ZNF491: variants seen among roughly 807,000 people sequenced by gnomAD.
The protein encoded by ZNF491 is zinc finger protein 491.
ZNF491 carries 22 observed loss-of-function variants against 34.7 expected under a neutral mutation model. The ratio of observed to expected loss-of-function variants is 0.63; its 90% CI spans 0.45 to 0.90. The LOEUF (loss-of-function observed/expected upper bound fraction) is 0.90. Among genes scored for constraint, ZNF491 ranks in the 40% least tolerant of loss-of-function variants. The pLI is 0.00. For missense variants in ZNF491, 559 were observed against 531.7 expected (o/e 1.05, Z -0.51); for synonymous variants, 148 against 174.3 (o/e 0.85, Z 1.19).
rs780096515 is a variant in ZNF491 at position 11,806,498 on chromosome 19, C to A, written c.545C>A (p.Thr182Asn). ...GTTCGAATCCATGAAAGAACTCACA[C>A]TGGGGAGAAGCCATATGAATGTAAG... ...SSVRIHERTHTGEKPYECKEC... is the reference protein window; with the variant it reads ...SSVRIHERTHNGEKPYECKEC... The change falls in exon 3 of 3, where the codon ACT becomes AAT. Residue 182 changes from threonine (T) to asparagine (N), a missense_variant. Physicochemically the swap from Thr to Asn is moderately conservative, Grantham distance 65. Coordinates refer to ENST00000323169, the MANE Select transcript of ZNF491 (RefSeq NM_152356.4). 9.9e-6 allele frequency: 16 copies of A among 1,613,976 alleles called. No individual in the cohort carries two copies. The South Asian group carries it at 1.5e-4, about 16-fold the overall frequency.
rs367695952 is a variant in ZNF491, at chr19:11,806,019, G to A, written c.66G>A (p.Pro22=). 2.2e-5 allele frequency: 35 copies of A among 1,613,006 alleles called. No homozygotes were observed. The highest frequency in any genetic ancestry group is 3.3e-4 in the Middle Eastern group (2 of 6,082). Residue 22 remains proline, a synonymous_variant, in exon 3 of 3, where the codon CCG becomes CCA. Coordinates refer to ENST00000323169, the MANE Select transcript of ZNF491 (RefSeq NM_152356.4). ...GTGGAGAAACTTTCACCCAGGTTCC[G>A]GAAGACATGCTGAACAAGAAAACTC... ...SQCGETFTQV[P]EDMLNKKTLP...
Position 11,806,063 on chromosome 19 carries a change from G to A in ZNF491, c.110G>A (p.Cys37Tyr). 6.2e-7 allele frequency: 1 copy of A among 1,613,952 alleles called. No individual in the cohort carries two copies. The highest frequency in any genetic ancestry group is 8.5e-7 in the Non-Finnish European group (1 of 1,180,012). ...AAAACTCTTCCTGGAGTAAAATCAT[G>A]TGAAAGTGGTACATGTGGAGAAATC... is the stretch of plus-strand genomic sequence containing the variant. ...NKKTLPGVKS[C>Y]ESGTCGEIFM... The change falls in exon 3 of 3, where the codon TGT becomes TAT. Residue 37 changes from cysteine (C) to tyrosine (Y), a missense_variant. By Grantham distance (194) the Cys-to-Tyr change is radical. Coordinates refer to ENST00000323169, the MANE Select transcript of ZNF491 (RefSeq NM_152356.4).
chr19:11,803,600 T>C (rs577130760), intron 1 of ZNF491, among the ~76,000 whole-genome samples: 2 of 152,282 alleles, frequency 1.3e-5, no homozygotes, highest in African/African-American at 2.4e-5. Context: ...ACTTTGACAG[T>C]TTTAAGAGTG....
Sources: allele counts gnomAD v4.1 joint callset (sites outside exome capture counted in the v4.1 genomes callset), GRCh38; gene constraint gnomAD v4.1.1; transcripts MANE v1.5; gene names NCBI Gene and HGNC (gene_info 2026-07-23, HGNC 2026-07-21).